MTPAP: variants seen among roughly 807,000 people sequenced by gnomAD.
MTPAP encodes mitochondrial poly(A) polymerase.
Under a neutral mutation model 48.7 loss-of-function variants are expected in MTPAP, and 23 were observed. That is an observed-to-expected ratio of 0.47 (90% CI 0.34 to 0.67). MTPAP has a LOEUF of 0.67. MTPAP is among the 30% of genes least tolerant of loss of function. The probability of loss-of-function intolerance (pLI) is 0.01; values close to 1 mark genes in which losing one functional copy is unlikely to be tolerated. For missense variants in MTPAP, 614 were observed against 694.3 expected, an observed-to-expected ratio of 0.88 and a Z score of 1.30; for synonymous variants, 257 against 254.1, an observed-to-expected ratio of 1.01 and a Z score of -0.11.
chr10:30,328,931 A>T (rs1834630638), intron 4 of MTPAP, among the ~76,000 whole-genome samples: 1 of 152,036 alleles, frequency 6.6e-6, no homozygotes, highest in African/African-American at 2.4e-5. Context: ...AACACATCCT[A>T]GGTTGTTTTG....
At chr10:30,323,179 G>T (rs145227010) in intron 5 of MTPAP, among the ~76,000 whole-genome samples, 1 of 146,870 alleles carries the variant, frequency 6.8e-6, no homozygotes, top group African/African-American at 2.5e-5. Context: ...AGGACCAGGC[G>T]TAGTGGCTCA....
Position 30,340,160 on chromosome 10 carries a change from C to T in MTPAP, c.555+66G>A, listed in dbSNP as rs889836243. The T allele has an allele frequency of 3.9e-6, 5 of 1,284,914 alleles. No individual in the cohort carries two copies. The Admixed American group carries it at 5.5e-5, about 14-fold the overall frequency. 79.6% of individuals were successfully genotyped at this position (1,284,914 alleles called of 1,614,324 possible). ...ACAATAATGTAGCTTGAACATTTTA[C>T]AGGAATCTTTATTGTTCATAAAAAA... is the stretch of plus-strand genomic sequence containing the variant. On this transcript the variant is annotated intron_variant, in intron 3 of 8. Transcript: ENST00000263063.
rs370357539 is a variant in MTPAP, at chr10:30,348,346, C to T, written c.157+773G>A. Among the ~76,000 whole-genome samples, 75 of 152,310 alleles carry T rather than the reference C, an allele frequency of 4.9e-4. No homozygotes were observed. In the East Asian group the frequency reaches 8.3e-3, roughly 17 times the overall value. ...CAATACATTTTGTTTAATAATTTGA[C>T]TAGAAGTCTAAATTAACTGAGCTAG... is the stretch of plus-strand genomic sequence containing the variant. On this transcript the variant is annotated intron_variant, in intron 1 of 8. Transcript: ENST00000263063.
chr10:30,314,179 T>C (rs1475759856), intron 8 of MTPAP, among the ~76,000 whole-genome samples: 1 of 152,140 alleles, frequency 6.6e-6, no homozygotes, highest in African/African-American at 2.4e-5. Context: ...GTTGTAAGTT[T>C]TATGAGTGTT....
intron 3 of MTPAP, among the ~76,000 whole-genome samples, chr10:30,338,270 GTAACA>G (rs542910386): frequency 4.7e-5 from 7 of 148,910 alleles, no homozygotes; most frequent in African/African-American, 9.8e-5. Flanking sequence ...AAAAAATAAC[GTAACA>G]TAACATAACA....
At position 30,313,306 on chromosome 10, in the gene MTPAP, G is replaced by A. The variant is rs938740948; in HGVS notation, c.*303C>T. ...GATGGAATCTTGCTATGTTGTCCACGATGGATTCAAAATCCTGGGCTCAAG... is the reference window on the plus strand; with the variant it reads ...GATGGAATCTTGCTATGTTGTCCACAATGGATTCAAAATCCTGGGCTCAAG... On this transcript the variant is annotated 3_prime_UTR_variant, in exon 9 of 9. Transcript: ENST00000263063. The A allele has an allele frequency of 1.7e-5, 6 of 361,332 alleles. No individual in the cohort carries two copies. Among genetic ancestry groups the A allele is most frequent in the South Asian group, 3.5e-5 (1 of 28,898 alleles). The allele number at this position is 361,332 out of a possible 1,614,324, so 22.4% of individuals were successfully genotyped here. A position where few individuals can be genotyped will look rare whatever the true frequency, so the allele number is the denominator to read the frequency against.
intron 6 of MTPAP, among the ~76,000 whole-genome samples, chr10:30,319,475 C>G (rs1368347542): frequency 6.6e-6 from 1 of 152,168 alleles, no homozygotes; most frequent in African/African-American, 2.4e-5. Context: ...AGGTCACTTA[C>G]ATGATTAAAC....
intron 6 of MTPAP, among the ~76,000 whole-genome samples, chr10:30,318,918 A>G (rs1840691580): frequency 6.6e-6 from 1 of 152,200 alleles, no homozygotes; most frequent in South Asian, 2.1e-4. Context: ...ACAGGTGTGT[A>G]CCAAGAGCTT....
At position 30,315,363 on chromosome 10, in the gene MTPAP, A is replaced by T. The variant is rs559167341; in HGVS notation, c.1386+600T>A. Reference sequence around the variant, plus strand: ...AGTAGCCAAATGCTAAACAGAATAAACCCAAACAGAGGGCTATCCCAAGTT... The same window carrying T: ...AGTAGCCAAATGCTAAACAGAATAATCCCAAACAGAGGGCTATCCCAAGTT... On this transcript the variant is annotated intron_variant, in intron 8 of 8. Transcript: ENST00000263063. Among the ~76,000 whole-genome samples, 6 of 152,306 alleles carry T rather than the reference A, an allele frequency of 3.9e-5. No individual in the cohort carries two copies. In the South Asian group the frequency reaches 1.2e-3, roughly 32 times the overall value.
chr10:30,338,834 C>G (rs536743182), intron 3 of MTPAP, among the ~76,000 whole-genome samples: 2 of 151,722 alleles, frequency 1.3e-5, no homozygotes, highest in African/African-American at 4.8e-5. Flanking sequence ...GTAAGAAACA[C>G]CAAGACAGGC....
rs1269009687 is a variant in MTPAP, at chr10:30,310,099, A to G, written c.*3510T>C. 1 of 152,250 alleles carries G rather than the reference A, an allele frequency of 6.6e-6. No individual in the cohort carries two copies. The highest frequency in any genetic ancestry group is 1.5e-5 in the Non-Finnish European group (1 of 68,038). The allele number at this position is 152,250 out of a possible 1,614,324, so 9.4% of individuals were successfully genotyped here. A position where few individuals can be genotyped will look rare whatever the true frequency, so the allele number is the denominator to read the frequency against. On this transcript the variant is annotated 3_prime_UTR_variant, in exon 9 of 9. Coordinates refer to ENST00000263063, the MANE Select transcript of MTPAP (RefSeq NM_018109.4). ...GCCTAGTAATAGTTATAGAAGAAAAAAACTTGAAAAAAGTTTTACTTAACA... is the reference window on the plus strand; with the variant it reads ...GCCTAGTAATAGTTATAGAAGAAAAGAACTTGAAAAAAGTTTTACTTAACA...
In MTPAP at chr10:30,336,956, G is replaced by A. The variant is rs577383516; in HGVS notation, c.627C>T (p.Leu209=). 3 of 1,613,666 alleles carry A rather than the reference G, an allele frequency of 1.9e-6. No homozygotes were observed. Among genetic ancestry groups the A allele is most frequent in the Non-Finnish European group, 2.5e-6 (3 of 1,180,006 alleles). Residue 209 remains leucine (L), a synonymous_variant, in exon 4 of 9, where the codon CTC becomes CTT. Transcript: ENST00000263063. ...CCATGTCTTCAATAAGAGAACAGGTGAGATATCGGAGCTTAGTGTTCTCCT... is the reference window on the plus strand; with the variant it reads ...CCATGTCTTCAATAAGAGAACAGGTAAGATATCGGAGCTTAGTGTTCTCCT... The part of the protein sequence containing the change: ...LTEENTKLRY[L]TCSLIEDMAA...
At chr10:30,348,319 G>A (rs945277783) in intron 1 of MTPAP, among the ~76,000 whole-genome samples, 1 of 152,220 alleles carries the variant, frequency 6.6e-6, no homozygotes, top group Non-Finnish European at 1.5e-5. Context: ...AATCGTAGAA[G>A]TCAATACATT....
intron 5 of MTPAP, among the ~76,000 whole-genome samples, chr10:30,325,409 C>T (rs759900078): frequency 9.9e-5 from 15 of 152,154 alleles, no homozygotes; most frequent in Non-Finnish European, 2.2e-4. Context: ...GAAATGAACT[C>T]ATGCAATGAG....
chr10:30,334,739 A>C (rs1834708927), intron 4 of MTPAP, among the ~76,000 whole-genome samples: 1 of 152,212 alleles, frequency 6.6e-6, no homozygotes, highest in South Asian at 2.1e-4. Flanking sequence ...GACTAAAATT[A>C]ATTAAGACAC....
chr10:30,318,138 C>A lies in MTPAP; in HGVS notation c.1220-1928G>T, dbSNP rs550872854. On this transcript the variant is annotated intron_variant, in intron 6 of 8. Transcript: ENST00000263063. ...CCTCCCAAAATGCTAGGATTACAGG[C>A]GTGAGCCACCGTGCCCGGCCCTGAT... 2.0e-5 allele frequency among the ~76,000 whole-genome samples: 3 copies of A among 152,262 alleles called. No homozygotes were observed. In the South Asian group the frequency reaches 6.2e-4, roughly 32 times the overall value.
At chr10:30,346,298 T>C (rs946229641) in intron 1 of MTPAP, among the ~76,000 whole-genome samples, 1 of 152,136 alleles carries the variant, frequency 6.6e-6, no homozygotes, top group African/African-American at 2.4e-5. Context: ...ACTTCTTTGG[T>C]ACTTACTAAT....
intron 6 of MTPAP, among the ~76,000 whole-genome samples, chr10:30,319,180 T>G (rs967032441): frequency 2.6e-5 from 4 of 152,000 alleles, no homozygotes; most frequent in African/African-American, 9.7e-5. Context: ...TCCCAACTGG[T>G]ATACAGGAAT....
At chr10:30,343,700 C>T (rs1343197522) in intron 1 of MTPAP, among the ~76,000 whole-genome samples, 3 of 151,974 alleles carry the variant, frequency 2.0e-5, no homozygotes, top group African/African-American at 4.8e-5. Context: ...CCCCAGTAGC[C>T]GGTATTACAG....
Sources: allele counts gnomAD v4.1 joint callset (sites outside exome capture counted in the v4.1 genomes callset), GRCh38; gene constraint gnomAD v4.1.1; transcripts MANE v1.5; gene names NCBI Gene and HGNC (gene_info 2026-07-23, HGNC 2026-07-21).